The following CYTH1 variants were observed in gnomAD, a reference collection of about 807,000 sequenced individuals.
CYTH1 encodes the protein cytohesin 1.
Under a neutral mutation model 61.8 loss-of-function variants are expected in CYTH1, and 18 were observed. The ratio of observed to expected loss-of-function variants is 0.29; its 90% CI spans 0.20 to 0.43. CYTH1 has a LOEUF of 0.43. Ranked by LOEUF, CYTH1 falls within the 20% of genes least tolerant of loss-of-function variation. CYTH1 has a pLI of 1.00. For missense variants in CYTH1, 336 were observed against 510.5 expected (o/e 0.66, Z 3.29); for synonymous variants, 174 against 184.3 (o/e 0.94, Z 0.45).
At position 78,708,219 on chromosome 17, in the gene CYTH1, T is replaced by G; in HGVS notation, c.148A>C (p.Asn50His). 1 of 1,613,658 alleles carries G rather than the reference T, an allele frequency of 6.2e-7. No homozygotes were observed. Among genetic ancestry groups the G allele is most frequent in the South Asian group, 1.1e-5 (1 of 91,024 alleles). Residue 50 changes from asparagine to histidine, a missense_variant, in exon 3 of 14, where the codon AAC becomes CAC. Transcript: ENST00000446868. ...EIAEVANEIE[N>H]LGSTEERKNM... ...CACCTTTCCTCTGTGGATCCCAGGT[T>G]TTCAATTTCATTAGCTACTTCTGCT...
chr17:78,709,270 CGGCAGAGCCAGAGCCAGGGCGTG>C, intron 2 of CYTH1: 1 of 174,290 alleles, frequency 5.7e-6, no homozygotes, highest in Non-Finnish European at 1.2e-5. Flanking sequence ...AGCCAGTAAG[CGGCAGAGCCAGAGCCAGGGCGTG>C]GGCCGAGCTT....
chr17:78,751,729 T>C (rs1466054680), intron 1 of CYTH1, among the ~76,000 whole-genome samples: 2 of 152,214 alleles, frequency 1.3e-5, no homozygotes, highest in African/African-American at 2.4e-5. Context: ...ATAACAAGGA[T>C]TGACTGCATA....
intron 11 of CYTH1, among the ~76,000 whole-genome samples, chr17:78,685,203 CAAAAAAAAAA>C (rs58642161): frequency 5.0e-5 from 3 of 60,446 alleles, no homozygotes; most frequent in Non-Finnish European, 9.9e-5. Context: ...GACTCTGTCT[CAAAAAAAAAA>C]AAAAAAAAAA....
intron 11 of CYTH1, 86 bp downstream of exon 11, chr17:78,692,331 G>A (rs1351864444): frequency 7.3e-7 from 1 of 1,365,476 alleles, no homozygotes; most frequent in East Asian, 2.3e-5. Context: ...AAATCCAACG[G>A]TCTCCTCAAC....
intron 1 of CYTH1, among the ~76,000 whole-genome samples, chr17:78,752,157 C>T (rs956730372): frequency 6.6e-6 from 1 of 152,206 alleles, no homozygotes; most frequent in African/African-American, 2.4e-5. Flanking sequence ...AGGACTCCTC[C>T]ATCTCCCTCT....
At chr17:78,726,137 A>G (rs1464656656) in intron 1 of CYTH1, among the ~76,000 whole-genome samples, 1 of 142,414 alleles carries the variant, frequency 7.0e-6, no homozygotes, top group Non-Finnish European at 1.5e-5. Context: ...TCTGTCTCCC[A>G]GGTTCACGCC....
In CYTH1 at chr17:78,752,168, C is replaced by T. The variant is rs76900439; in HGVS notation, c.22+30034G>A. 5.8e-3 allele frequency among the ~76,000 whole-genome samples: 889 copies of T among 152,344 alleles called. 39 individuals carry two copies. The East Asian group carries it at 0.11, about 19-fold the overall frequency. ...AATAAGGACTCCTCCATCTCCCTCT[C>T]TTCGCCAGTTACAAGGCTGATCATA... On this transcript the variant is annotated intron_variant, in intron 1 of 13. Transcript: ENST00000446868.
At chr17:78,701,127 A>T (rs2093004860) in intron 6 of CYTH1, among the ~76,000 whole-genome samples, 2 of 152,236 alleles carry the variant, frequency 1.3e-5, no homozygotes, top group South Asian at 4.1e-4. Flanking sequence ...TCAAAGCATT[A>T]ACAATCGATC....
At chr17:78,689,958 C>T (rs1490253094) in intron 11 of CYTH1, among the ~76,000 whole-genome samples, 3 of 151,914 alleles carry the variant, frequency 2.0e-5, no homozygotes, top group South Asian at 2.1e-4. Flanking sequence ...CCCCTGCCAC[C>T]GCTGCTTCCG....
intron 6 of CYTH1, among the ~76,000 whole-genome samples, chr17:78,701,468 C>T (rs1167247373): frequency 6.6e-6 from 1 of 152,162 alleles, no homozygotes; most frequent in Non-Finnish European, 1.5e-5. Flanking sequence ...GAATCGGCCT[C>T]CAGAACGTAA....
chr17:78,760,384 T>TATATATATATACACAC (rs751494741), intron 1 of CYTH1, among the ~76,000 whole-genome samples: 1 of 51,406 alleles, frequency 1.9e-5, no homozygotes, highest in Non-Finnish European at 3.6e-5. Flanking sequence ...TATATATATA[T>TATATATATATACACAC]ACACACACAT....
chr17:78,696,361 A>T (rs1815618607), intron 9 of CYTH1, among the ~76,000 whole-genome samples: 1 of 152,244 alleles, frequency 6.6e-6, no homozygotes, highest in African/African-American at 2.4e-5. Flanking sequence ...AGCTAAGGTT[A>T]TTTCAGGGAA....
intron 9 of CYTH1, among the ~76,000 whole-genome samples, 171 bp downstream of exon 9, chr17:78,698,094 CGTGT>C (rs929027445): frequency 3.3e-5 from 5 of 152,182 alleles, no homozygotes; most frequent in African/African-American, 1.2e-4. Context: ...CTACATGGTG[CGTGT>C]GTGTCCATGA....
At chr17:78,780,957 C>T (rs1035730371) in intron 1 of CYTH1, among the ~76,000 whole-genome samples, 1 of 152,010 alleles carries the variant, frequency 6.6e-6, no homozygotes, top group African/African-American at 2.4e-5. Context: ...TTGCAGTGAG[C>T]CGAGATGGCG....
At chr17:78,781,374 T>C (rs1206970127) in intron 1 of CYTH1, among the ~76,000 whole-genome samples, 4 of 152,360 alleles carry the variant, frequency 2.6e-5, no homozygotes, top group Non-Finnish European at 2.9e-5. Flanking sequence ...TTTGCAACCC[T>C]TGCAATTTCA....
intron 1 of CYTH1, 82 bp from the exon 2 acceptor site, chr17:78,709,814 A>T: frequency 8.1e-7 from 1 of 1,240,074 alleles, no homozygotes; most frequent in Non-Finnish European, 1.2e-6. Flanking sequence ...CAAAAGGAGA[A>T]AGATATCAAG....
intron 1 of CYTH1, among the ~76,000 whole-genome samples, chr17:78,720,041 T>C (rs927750857): frequency 1.3e-5 from 2 of 151,546 alleles, no homozygotes; most frequent in Non-Finnish European, 2.9e-5. Flanking sequence ...GCCCCTGGAG[T>C]AGTCAAACTA....
intron 2 of CYTH1, chr17:78,709,238 ACT>A (rs2093101477): frequency 5.7e-6 from 1 of 174,050 alleles, no homozygotes; most frequent in African/African-American, 2.4e-5. Flanking sequence ...AGGAACCGGA[ACT>A]CTCTTGTCTC....
chr17:78,680,827 T>C (rs890456905), intron 12 of CYTH1, 144 bp downstream of exon 12: 1 of 834,152 alleles, frequency 1.2e-6, no homozygotes, highest in Non-Finnish European at 2.0e-6. Context: ...AGTCTCATCT[T>C]TGGCTTGAAC....
Sources: allele counts gnomAD v4.1 joint callset (sites outside exome capture counted in the v4.1 genomes callset), GRCh38; gene constraint gnomAD v4.1.1; transcripts MANE v1.5; gene names NCBI Gene and HGNC (gene_info 2026-07-23, HGNC 2026-07-21).